PABPC4L: variants seen among roughly 807,000 people sequenced by gnomAD.
PABPC4L encodes polyadenylate-binding protein 4-like.
For missense variants in PABPC4L, 452 were observed against 451.4 expected (o/e 1.00, Z -0.01); for synonymous variants, 169 against 164.1 (o/e 1.03, Z -0.23).
the PABPC4L span, among the ~76,000 whole-genome samples, chr4:134,022,275 C>T: frequency 2.6e-5 from 4 of 152,062 alleles, no homozygotes; most frequent in Admixed American, 6.6e-5. Flanking sequence ...TTCATATACT[C>T]GGTACTCAAA....
At chr4:134,113,368 T>C in the PABPC4L span, among the ~76,000 whole-genome samples, 1 of 151,964 alleles carries the variant, frequency 6.6e-6, no homozygotes, top group African/African-American at 2.4e-5. Context: ...TATACAGGTA[T>C]ACCATTATTT....
chr4:134,159,913 T>C, the PABPC4L span, among the ~76,000 whole-genome samples: 87 of 152,216 alleles, frequency 5.7e-4, no homozygotes, highest in African/African-American at 1.9e-3. Context: ...GATTTTGTCT[T>C]GAAACTTGAG....
the PABPC4L span, among the ~76,000 whole-genome samples, chr4:134,171,220 A>G: frequency 1.0e-3 from 159 of 152,200 alleles, 1 homozygote; most frequent in African/African-American, 3.7e-3. Flanking sequence ...GGTTCAAGCA[A>G]TTATGCTGCC....
the PABPC4L span, among the ~76,000 whole-genome samples, chr4:134,069,149 C>T: frequency 6.6e-6 from 1 of 152,024 alleles, no homozygotes; most frequent in East Asian, 1.9e-4. Context: ...AATGTATGTC[C>T]CCAATCTCTT....
At chr4:134,021,253 C>T in the PABPC4L span, among the ~76,000 whole-genome samples, 1 of 152,012 alleles carries the variant, frequency 6.6e-6, no homozygotes, top group Non-Finnish European at 1.5e-5. Flanking sequence ...ATGAAATAAA[C>T]AATTATTAAG....
At chr4:134,184,729 A>G in the PABPC4L span, among the ~76,000 whole-genome samples, 19 of 152,158 alleles carry the variant, frequency 1.2e-4, no homozygotes, top group South Asian at 3.7e-3. Context: ...TCTGAATAAT[A>G]TGGTAGAAAT....
chr4:134,178,040 A>C, the PABPC4L span, among the ~76,000 whole-genome samples: 2 of 152,102 alleles, frequency 1.3e-5, no homozygotes, highest in African/African-American at 4.8e-5. Context: ...TCTGGTAGCC[A>C]GGAAAGCCAT....
chr4:134,053,927 G>T, the PABPC4L span, among the ~76,000 whole-genome samples: 2 of 151,654 alleles, frequency 1.3e-5, no homozygotes, highest in African/African-American at 4.8e-5. Flanking sequence ...TGCCTTTTTA[G>T]TGGAATGATG....
chr4:134,003,216 T>A, the PABPC4L span, among the ~76,000 whole-genome samples: 1 of 151,990 alleles, frequency 6.6e-6, no homozygotes, highest in Non-Finnish European at 1.5e-5. Context: ...AAATATTTAG[T>A]TCACGGAAAG....
the PABPC4L span, among the ~76,000 whole-genome samples, chr4:134,041,565 T>G: frequency 1.3e-5 from 2 of 151,570 alleles, no homozygotes; most frequent in South Asian, 4.2e-4. Flanking sequence ...CATCACACAC[T>G]GGGGCCTGTC....
At chr4:133,990,734 A>AC in the PABPC4L span, among the ~76,000 whole-genome samples, 27 of 151,650 alleles carry the variant, frequency 1.8e-4, no homozygotes, top group African/African-American at 2.7e-4. Context: ...AACATTGCCG[A>AC]CCCCCCCAGT....
At chr4:134,021,971 A>G in the PABPC4L span, among the ~76,000 whole-genome samples, 1 of 152,108 alleles carries the variant, frequency 6.6e-6, no homozygotes, top group Admixed American at 6.6e-5. Flanking sequence ...CACAATACTA[A>G]CAGACAGCTA....
At chr4:134,029,751 T>C in the PABPC4L span, among the ~76,000 whole-genome samples, 1 of 151,944 alleles carries the variant, frequency 6.6e-6, no homozygotes, top group African/African-American at 2.4e-5. Flanking sequence ...AACATATATA[T>C]GAAATGTATT....
At chr4:134,034,714 T>C in the PABPC4L span, among the ~76,000 whole-genome samples, 10 of 152,116 alleles carry the variant, frequency 6.6e-5, 1 homozygote, top group South Asian at 2.1e-4. Context: ...AGCCTGAAGA[T>C]GTGACTGAAT....
the PABPC4L span, among the ~76,000 whole-genome samples, chr4:133,985,872 T>A: frequency 3.3e-5 from 5 of 152,070 alleles, no homozygotes; most frequent in Non-Finnish European, 7.4e-5. Flanking sequence ...TACTATAAAT[T>A]CTCTAACTTC....
chr4:134,131,285 C>T, the PABPC4L span, among the ~76,000 whole-genome samples: 1 of 151,852 alleles, frequency 6.6e-6, no homozygotes, highest in African/African-American at 2.4e-5. Flanking sequence ...GATCATATAC[C>T]TAGGAAATCC....
the PABPC4L span, among the ~76,000 whole-genome samples, chr4:134,188,207 C>T: frequency 6.6e-6 from 1 of 151,978 alleles, no homozygotes; most frequent in East Asian, 1.9e-4. Flanking sequence ...AACAACACTA[C>T]CACTTCTGGT....
At chr4:134,088,476 A>G in the PABPC4L span, among the ~76,000 whole-genome samples, 1 of 152,034 alleles carries the variant, frequency 6.6e-6, no homozygotes, top group African/African-American at 2.4e-5. Context: ...TATCATTGCT[A>G]TGGTGTGAAT....
the PABPC4L span, among the ~76,000 whole-genome samples, chr4:133,964,018 A>T: frequency 3.3e-5 from 5 of 152,266 alleles, no homozygotes; most frequent in African/African-American, 9.6e-5. Context: ...TATACAAAAT[A>T]TAAATAAAAC....
Sources: gnomAD v4.1 joint callset for allele counts (sites outside exome capture counted in the v4.1 genomes callset) on GRCh38, gnomAD v4.1.1 for gene constraint, MANE v1.5 for transcripts, NCBI Gene and HGNC (gene_info 2026-07-23, HGNC 2026-07-21) for gene names.